The following UBR1 variants were observed in gnomAD, a reference collection of about 807,000 sequenced individuals.
The protein encoded by UBR1 is ubiquitin protein ligase E3 component n-recognin 1, also known as E3 ubiquitin-protein ligase UBR1.
In UBR1, 102 loss-of-function variants were observed where a neutral mutation model predicts 242.1. The observed-to-expected ratio is 0.42, with a 90% CI of 0.36 to 0.50. The LOEUF is 0.50. Ranked by LOEUF, UBR1 falls within the 20% of genes least tolerant of loss-of-function variation. The pLI, the probability that UBR1 is intolerant of heterozygous loss-of-function variation, is 0.01. For missense variants in UBR1, 1,772 were observed against 2,101.8 expected (o/e 0.84, Z 3.07); for synonymous variants, 675 against 684.8 (o/e 0.99, Z 0.22).
intron 14 of UBR1, among the ~76,000 whole-genome samples, chr15:43,045,879 T>A (rs1477881650): frequency 6.6e-6 from 1 of 152,194 alleles, no homozygotes; most frequent in Non-Finnish European, 1.5e-5. Context: ...ATAATGCCTG[T>A]TTGTGAAAAC....
At chr15:42,987,804 G>A (rs978491979) in intron 35 of UBR1, among the ~76,000 whole-genome samples, 7 of 148,794 alleles carry the variant, frequency 4.7e-5, no homozygotes, top group African/African-American at 1.7e-4. Context: ...ACATTTAAAT[G>A]AAGAAAATAT....
chr15:42,968,575 T>C (rs1442081865), intron 40 of UBR1, among the ~76,000 whole-genome samples: 1 of 151,978 alleles, frequency 6.6e-6, no homozygotes, highest in Non-Finnish European at 1.5e-5. Context: ...ACGTGCAGGT[T>C]TGTTATATAG....
At chr15:43,004,691 C>G (rs1168928722) in intron 30 of UBR1, among the ~76,000 whole-genome samples, 1 of 152,232 alleles carries the variant, frequency 6.6e-6, no homozygotes, top group Non-Finnish European at 1.5e-5. Context: ...CTCAATGGTG[C>G]CCAGGCTGGA....
At chr15:43,100,814 C>T (rs1403729976) in intron 1 of UBR1, among the ~76,000 whole-genome samples, 2 of 152,176 alleles carry the variant, frequency 1.3e-5, no homozygotes, top group African/African-American at 4.8e-5. Flanking sequence ...AGCCTGGCGA[C>T]AGAGCGAGAC....
intron 10 of UBR1, among the ~76,000 whole-genome samples, chr15:43,058,130 G>A (rs934402067): frequency 6.6e-6 from 1 of 151,944 alleles, no homozygotes; most frequent in Non-Finnish European, 1.5e-5. Context: ...GGCTGGTCTC[G>A]AGCTCCTGAC....
At chr15:43,050,092 C>T (rs981312648) in intron 12 of UBR1, among the ~76,000 whole-genome samples, 7 of 152,032 alleles carry the variant, frequency 4.6e-5, no homozygotes, top group African/African-American at 1.4e-4. Context: ...GCTAAGACTA[C>T]AGGCGCGTGC....
At chr15:42,962,632 G>A (rs1037089545) in intron 42 of UBR1, among the ~76,000 whole-genome samples, 2 of 152,114 alleles carry the variant, frequency 1.3e-5, no homozygotes, top group African/African-American at 2.4e-5. Flanking sequence ...TGGGATTACA[G>A]GTACCTGCCA....
intron 20 of UBR1, among the ~76,000 whole-genome samples, chr15:43,032,344 T>A (rs1403012825): frequency 6.6e-6 from 1 of 152,208 alleles, no homozygotes; most frequent in East Asian, 1.9e-4. Context: ...CACTTAGACC[T>A]ATAATATATA....
chr15:42,979,094 C>A (rs1279128904), intron 37 of UBR1, among the ~76,000 whole-genome samples: 4 of 151,922 alleles, frequency 2.6e-5, no homozygotes, highest in African/African-American at 9.7e-5. Flanking sequence ...GGTGTTTCAC[C>A]ATGTTGGCCA....
At chr15:43,075,617 A>AT (rs776345905) in intron 3 of UBR1, among the ~76,000 whole-genome samples, 397 of 140,956 alleles carry the variant, frequency 2.8e-3, no homozygotes, top group East Asian at 4.4e-3. Context: ...GAGTGATAAG[A>AT]TTTTTTTTTT....
At position 42,970,591 on chromosome 15, in the gene UBR1, C is replaced by A. The variant is rs758633734; in HGVS notation, c.4386G>T (p.Gln1462His). 2 of 1,613,718 alleles carry A rather than the reference C, an allele frequency of 1.2e-6. No individual in the cohort carries two copies. The highest frequency in any genetic ancestry group is 1.3e-5 in the African/African-American group (1 of 75,034). Reference protein sequence around the residue: ...LTVDTGLPLAQVQEDSEEAHS... With the variant: ...LTVDTGLPLAHVQEDSEEAHS... The stretch of plus-strand genomic sequence containing the variant: ...GAGCCTCTTCACTGTCTTCTTGAAC[C>A]TGAGCAAGGGGTAGGCCTGAAAAAG... Residue 1462 changes from glutamine to histidine, a missense_variant, in exon 40 of 47, where the codon CAG becomes CAT. Transcript: ENST00000290650.
intron 1 of UBR1, among the ~76,000 whole-genome samples, chr15:43,101,681 A>C (rs529447407): frequency 1.4e-4 from 21 of 151,898 alleles, no homozygotes; most frequent in South Asian, 4.2e-4. Flanking sequence ...AATACAAAAA[A>C]ACTGGCTGGG....
chr15:42,962,029 G>A (rs1567109081), intron 42 of UBR1, among the ~76,000 whole-genome samples: 1 of 151,556 alleles, frequency 6.6e-6, no homozygotes, highest in African/African-American at 2.4e-5. Context: ...TTACAGGTGT[G>A]AGCCACCGCA....
At chr15:42,985,876 C>G (rs2032451073) in intron 35 of UBR1, among the ~76,000 whole-genome samples, 1 of 151,024 alleles carries the variant, frequency 6.6e-6, no homozygotes, top group Non-Finnish European at 1.5e-5. Context: ...ATGGTCCCAA[C>G]TGCTCAGGAG....
intron 44 of UBR1, among the ~76,000 whole-genome samples, chr15:42,954,987 T>C (rs2031895592): frequency 6.6e-6 from 1 of 151,946 alleles, no homozygotes; most frequent in Non-Finnish European, 1.5e-5. Context: ...GCCAAGATAG[T>C]GAAACCCTGC....
chr15:43,002,706 T>G lies in UBR1; in HGVS notation c.3510-2A>C. The G allele has an allele frequency of 1.9e-6, 3 of 1,614,088 alleles. No individual in the cohort carries two copies. Among genetic ancestry groups the G allele is most frequent in the Non-Finnish European group, 1.7e-6 (2 of 1,180,028 alleles). ...CTCAGCTGTACAGCTTCAAAATACC[T>G]GCAAAATTACAAAGACACAGGCCCA... On this transcript the variant is annotated splice_acceptor_variant, in intron 31 of 46. Transcript: ENST00000290650. LOFTEE classifies it high-confidence loss of function.
At chr15:43,055,675 G>A (rs1178381447) in intron 11 of UBR1, among the ~76,000 whole-genome samples, 1 of 152,174 alleles carries the variant, frequency 6.6e-6, no homozygotes, top group African/African-American at 2.4e-5. Context: ...AGCACTTTGG[G>A]AGGCTAAGGC....
rs954825623 is a variant in UBR1, at chr15:43,066,797, GT to G, written c.798+1100del. On this transcript the variant is annotated intron_variant, in intron 6 of 46. Coordinates refer to ENST00000290650, the MANE Select transcript of UBR1 (RefSeq NM_174916.3). ...TCAAAATTTGCATTGTTTTGTTTTA[GT>G]TTTTTTGTAGAGACAGAGTCTCTTT... Among the ~76,000 whole-genome samples, 11 of 152,196 alleles carry G rather than the reference GT, an allele frequency of 7.2e-5. No individual in the cohort carries two copies. The East Asian group carries it at 1.9e-3, about 27-fold the overall frequency.
chr15:43,069,323 C>CT (rs2033794510), intron 5 of UBR1, among the ~76,000 whole-genome samples: 1 of 151,382 alleles, frequency 6.6e-6, no homozygotes, highest in Non-Finnish European at 1.5e-5. Context: ...GTCACCCAGG[C>CT]TGGAGTGCAG....
Sources: gnomAD v4.1 joint callset for allele counts (sites outside exome capture counted in the v4.1 genomes callset) on GRCh38, gnomAD v4.1.1 for gene constraint, MANE v1.5 for transcripts, NCBI Gene and HGNC (gene_info 2026-07-23, HGNC 2026-07-21) for gene names.